Variants in TTC28 observed in about 807,000 individuals in gnomAD.
TTC28 encodes the protein tetratricopeptide repeat domain 28.
In TTC28, 61 loss-of-function variants were observed where a neutral mutation model predicts 198.0. The observed-to-expected ratio is 0.31, with a 90% CI of 0.25 to 0.38. The LOEUF is 0.38. Among genes scored for constraint, TTC28 ranks in the 10% least tolerant of loss-of-function variants. The pLI is 1.00. For synonymous variants in TTC28, 1,171 were observed against 1,297.8 expected, an observed-to-expected ratio of 0.90 and a Z score of 2.10; for missense variants, 2,678 against 3,164.0, an observed-to-expected ratio of 0.85 and a Z score of 3.69.
chr22:28,323,054 T>C (rs1478852212), intron 2 of TTC28, among the ~76,000 whole-genome samples: 1 of 152,240 alleles, frequency 6.6e-6, no homozygotes, highest in Non-Finnish European at 1.5e-5. Flanking sequence ...AAGTCCTTTA[T>C]CATGTAAGGT....
chr22:27,985,491 TTCCCCATGTCTGCACAGAGGTTGG>T (rs1937178938), intron 21 of TTC28, 135 bp from the exon 22 acceptor site: 1 of 672,338 alleles, frequency 1.5e-6, no homozygotes, highest in East Asian at 3.0e-5. Context: ...GGCCTGGGGC[TTCCCCATGTCTGCACAGAGGTTGG>T]TCATGTGGCA....
chr22:27,999,195 G>A lies in TTC28; in HGVS notation c.4464C>T (p.Asn1488=). ...SSTSMAAVIG[N]PKLPSAVMDR... is the part of the protein sequence containing the mutation. ...CCATCACGGCCGATGGTAGCTTGGG[G>A]TTGCCGATGACAGCCGCCATGGATG... Residue 1488 remains asparagine, a synonymous_variant, in exon 16 of 23, where the codon AAC becomes AAT. Transcript: ENST00000397906. The A allele has an allele frequency of 1.3e-6, 2 of 1,550,970 alleles. No homozygotes were observed. The highest frequency in any genetic ancestry group is 1.4e-5 in the African/African-American group (1 of 73,182).
At chr22:28,298,213 C>T (rs2044939634) in intron 3 of TTC28, among the ~76,000 whole-genome samples, 1 of 152,216 alleles carries the variant, frequency 6.6e-6, no homozygotes, top group South Asian at 2.1e-4. Context: ...TCCCCAGGTC[C>T]TCCTCTGGCA....
At chr22:28,340,577 T>C (rs2045813688) in intron 2 of TTC28, among the ~76,000 whole-genome samples, 1 of 152,022 alleles carries the variant, frequency 6.6e-6, no homozygotes, top group African/African-American at 2.4e-5. Flanking sequence ...CAAAAACACA[T>C]GTGATTGGCA....
Position 28,389,591 on chromosome 22 carries a change from A to G in TTC28, c.382-82948T>C, listed in dbSNP as rs1190060513. 3.3e-5 allele frequency among the ~76,000 whole-genome samples: 5 copies of G among 150,218 alleles called. No homozygotes were observed. The East Asian group carries it at 9.8e-4, about 29-fold the overall frequency. On this transcript the variant is annotated intron_variant, in intron 2 of 22. Transcript: ENST00000397906. Reference sequence around the variant, plus strand: ...CTTGGGAGGGTGTATGTGTCGAGGAATTTATCCATTTCTTCTAGATTTTCT... The same window carrying G: ...CTTGGGAGGGTGTATGTGTCGAGGAGTTTATCCATTTCTTCTAGATTTTCT...
intron 2 of TTC28, among the ~76,000 whole-genome samples, chr22:28,612,153 C>CA (rs1331123343): frequency 2.7e-5 from 4 of 150,696 alleles, no homozygotes; most frequent in Non-Finnish European, 4.4e-5. Flanking sequence ...AAATGGAGAG[C>CA]AAAAAAAAGC....
intron 2 of TTC28, among the ~76,000 whole-genome samples, chr22:28,335,539 G>A (rs1352801640): frequency 6.6e-6 from 1 of 152,150 alleles, no homozygotes; most frequent in Non-Finnish European, 1.5e-5. Context: ...ACTTCTCCTT[G>A]AAGAGGTCTT....
At chr22:28,315,971 G>T (rs2045345203) in intron 2 of TTC28, among the ~76,000 whole-genome samples, 1 of 152,184 alleles carries the variant, frequency 6.6e-6, no homozygotes, top group African/African-American at 2.4e-5. Flanking sequence ...TAAATGCAAA[G>T]ACTTTTATAA....
chr22:28,441,337 C>T lies in TTC28; in HGVS notation c.382-134694G>A, dbSNP rs568418543. ...GAAGAAATGGGGGACTTTAGGAATA[C>T]GCAGCATCTGTTTAAATTGCTTAAT... is the stretch of plus-strand genomic sequence containing the variant. On this transcript the variant is annotated intron_variant, in intron 2 of 22. Coordinates refer to ENST00000397906, the MANE Select transcript of TTC28 (RefSeq NM_001145418.2). 1.1e-4 allele frequency among the ~76,000 whole-genome samples: 16 copies of T among 151,686 alleles called. No individual in the cohort carries two copies. In the East Asian group the frequency reaches 2.7e-3, roughly 26 times the overall value.
chr22:28,638,903 C>A (rs542215858), intron 1 of TTC28, among the ~76,000 whole-genome samples: 141 of 152,326 alleles, frequency 9.3e-4, no homozygotes, highest in Non-Finnish European at 1.8e-3. Context: ...TAGGCTCAAG[C>A]TATCCTCCCA....
intron 1 of TTC28, among the ~76,000 whole-genome samples, chr22:28,674,896 A>T (rs1011686617): frequency 6.6e-6 from 1 of 151,978 alleles, no homozygotes. Context: ...TGATAAGCTG[A>T]TCCTAAAATC....
At chr22:28,201,159 GAA>G (rs781752240) in intron 5 of TTC28, among the ~76,000 whole-genome samples, 6 of 152,114 alleles carry the variant, frequency 3.9e-5, no homozygotes, top group Non-Finnish European at 8.8e-5. Flanking sequence ...AAGTATAGGA[GAA>G]GGACTTGATC....
At chr22:28,279,463 T>C (rs921625408) in intron 5 of TTC28, among the ~76,000 whole-genome samples, 2 of 152,164 alleles carry the variant, frequency 1.3e-5, no homozygotes, top group South Asian at 2.1e-4. Flanking sequence ...CTCCTCTTCC[T>C]GAGTTCAAGC....
chr22:28,518,244 C>T (rs2048831564), intron 2 of TTC28, among the ~76,000 whole-genome samples: 2 of 152,130 alleles, frequency 1.3e-5, no homozygotes, highest in South Asian at 4.1e-4. Context: ...GTTTGGAGAA[C>T]TGAGATGTTA....
At chr22:28,491,869 A>G (rs2048384655) in intron 2 of TTC28, among the ~76,000 whole-genome samples, 1 of 152,224 alleles carries the variant, frequency 6.6e-6, no homozygotes, top group Non-Finnish European at 1.5e-5. Context: ...CCAAATGTCC[A>G]TCAATGATAG....
chr22:28,629,297 C>T (rs955730440), intron 2 of TTC28: 9 of 431,264 alleles, frequency 2.1e-5, no homozygotes, highest in Middle Eastern at 6.4e-4. Context: ...ACTTATCAAG[C>T]GGCACAGATA....
At chr22:28,394,277 C>A (rs1450070918) in intron 2 of TTC28, among the ~76,000 whole-genome samples, 1 of 152,140 alleles carries the variant, frequency 6.6e-6, no homozygotes, top group African/African-American at 2.4e-5. Context: ...GTAGAATGTA[C>A]AAGTATCATG....
chr22:28,101,390 G>C, intron 8 of TTC28, 110 bp from the exon 9 acceptor site: 9 of 921,022 alleles, frequency 9.8e-6, no homozygotes, highest in Non-Finnish European at 1.3e-5. Flanking sequence ...TTTTGAGACA[G>C]GGTCTCACTC....
rs2146483483 is a variant in TTC28 at position 27,979,572 on chromosome 22, T to G, written c.*2649A>C. The G allele has an allele frequency of 6.6e-6, 1 of 152,228 alleles. No homozygotes were observed. Among genetic ancestry groups the G allele is most frequent in the East Asian group, 1.9e-4 (1 of 5,182 alleles). The allele number at this position is 152,228 out of a possible 1,614,324, so 9.4% of individuals were successfully genotyped here. ...ATGATGTAATTACTTATATAACCCT[T>G]TAAAAAGGTAACTTAGCTCATGGCT... On this transcript the variant is annotated 3_prime_UTR_variant, in exon 23 of 23. Coordinates refer to ENST00000397906, the MANE Select transcript of TTC28 (RefSeq NM_001145418.2).
Sources: gnomAD v4.1 joint callset for allele counts (sites outside exome capture counted in the v4.1 genomes callset) on GRCh38, gnomAD v4.1.1 for gene constraint, MANE v1.5 for transcripts, NCBI Gene and HGNC (gene_info 2026-07-23, HGNC 2026-07-21) for gene names.